Variants in CTNNB1 observed in about 807,000 individuals in gnomAD.
CTNNB1 encodes catenin beta-1.
A neutral mutation model predicts 82.5 loss-of-function variants in CTNNB1; 6 were observed. That is an observed-to-expected ratio of 0.07 (90% CI 0.04 to 0.14). The LOEUF is 0.14. Among genes scored for constraint, CTNNB1 ranks in the 10% least tolerant of loss-of-function variants. The pLI, the probability that CTNNB1 is intolerant of heterozygous loss-of-function variation, is 1.00. For synonymous variants in CTNNB1, 312 were observed against 329.7 expected (o/e 0.95, Z 0.58); for missense variants, 529 against 980.4 (o/e 0.54, Z 6.15).
At chr3:41,238,267 T>C (rs2078488201) in intron 14 of CTNNB1, 191 bp downstream of exon 14, 1 of 614,550 alleles carries the variant, frequency 1.6e-6, no homozygotes, top group African/African-American at 1.8e-5. Flanking sequence ...AGCCACACAA[T>C]GAGTAGCAGT....
intron 1 of CTNNB1, among the ~76,000 whole-genome samples, chr3:41,204,087 G>A (rs2077593829): frequency 6.6e-6 from 1 of 151,368 alleles, no homozygotes; most frequent in African/African-American, 2.4e-5. Flanking sequence ...TATTGCTATA[G>A]TTAGGGTTTT....
intron 1 of CTNNB1, among the ~76,000 whole-genome samples, chr3:41,216,435 T>C (rs1447102846): frequency 6.6e-6 from 1 of 152,242 alleles, no homozygotes. Context: ...GAAGAAATAG[T>C]TATTAAATTA....
chr3:41,202,185 T>C (rs1194356082), intron 1 of CTNNB1, among the ~76,000 whole-genome samples: 7 of 152,230 alleles, frequency 4.6e-5, no homozygotes, highest in South Asian at 4.1e-4. Flanking sequence ...TTCAGTGTTA[T>C]TGAAATGAAA....
chr3:41,214,394 TA>T (rs11457773), intron 1 of CTNNB1, among the ~76,000 whole-genome samples: 73 of 146,992 alleles, frequency 5.0e-4, no homozygotes, highest in African/African-American at 1.5e-3. Flanking sequence ...TCTTTATAGT[TA>T]AAAAAAAAAA....
chr3:41,238,137 A>T (rs2125650838), intron 14 of CTNNB1, 61 bp downstream of exon 14: 1 of 1,476,936 alleles, frequency 6.8e-7, no homozygotes, highest in East Asian at 2.3e-5. Context: ...AACTTTTATC[A>T]GAAGAGCCGG....
chr3:41,211,139 C>T (rs1159062748), intron 1 of CTNNB1: 9 of 451,494 alleles, frequency 2.0e-5, no homozygotes, highest in African/African-American at 2.0e-5. Context: ...ACTGTGGTTT[C>T]GTTTACACCA....
At chr3:41,235,944 C>T (rs2078425378) in intron 11 of CTNNB1, 101 bp downstream of exon 11, 1 of 1,373,482 alleles carries the variant, frequency 7.3e-7, no homozygotes, top group Non-Finnish European at 1.0e-6. Flanking sequence ...ATAGGGTTAC[C>T]AACATTTAAT....
At position 41,239,468 on chromosome 3, in the gene CTNNB1, C is replaced by T; in HGVS notation, c.*126C>T. On this transcript the variant is annotated 3_prime_UTR_variant, in exon 15 of 15. Transcript: ENST00000349496. ...GTTTAGGCTATTTGTAAATCTGCCA[C>T]AAAAACAGGTATATACTTTGAAAGG... 1 of 780,194 alleles carries T rather than the reference C, an allele frequency of 1.3e-6. No individual in the cohort carries two copies. Among genetic ancestry groups the T allele is most frequent in the Non-Finnish European group, 2.2e-6 (1 of 461,472 alleles). The allele number at this position is 780,194 out of a possible 1,614,324, so 48.3% of individuals were successfully genotyped here. A position where few individuals can be genotyped will look rare whatever the true frequency, so the allele number is the denominator to read the frequency against.
Position 41,238,001 on chromosome 3 carries a change from T to G in CTNNB1, c.2077-15T>G, listed in dbSNP as rs34525870. The G allele has an allele frequency of 1.2e-6, 2 of 1,612,270 alleles. No homozygotes were observed. Among genetic ancestry groups the G allele is most frequent in the Admixed American group, 1.7e-5 (1 of 60,036 alleles). ...TTGCTTTCTATTCTTCCTTGCTTTGTGCATGTTTATCTAGACTGCTGATCT... is the reference window on the plus strand; with the variant it reads ...TTGCTTTCTATTCTTCCTTGCTTTGGGCATGTTTATCTAGACTGCTGATCT... On this transcript the variant is annotated splice_polypyrimidine_tract_variant and intron_variant, in intron 13 of 14. Coordinates refer to ENST00000349496, the MANE Select transcript of CTNNB1 (RefSeq NM_001904.4).
rs1433894477 is a variant in CTNNB1, at chr3:41,240,107, C to CAAATGGTGTAGA, written c.*766_*767insAATGGTGTAGAA. ...TTAAGAATTGAGTAATGGTGTAGAA[C>CAAATGGTGTAGA]ACTAATTCATAATCACTCTAATTAA... On this transcript the variant is annotated 3_prime_UTR_variant, in exon 15 of 15. Coordinates refer to ENST00000349496, the MANE Select transcript of CTNNB1 (RefSeq NM_001904.4). The CAAATGGTGTAGA allele has an allele frequency of 7.0e-6, 1 of 142,846 alleles. No homozygotes were observed. Among genetic ancestry groups the CAAATGGTGTAGA allele is most frequent in the Non-Finnish European group, 1.5e-5 (1 of 68,606 alleles). The allele number at this position is 142,846 out of a possible 1,614,324, so 8.8% of individuals were successfully genotyped here.
chr3:41,219,819 A>G (rs890212380), intron 1 of CTNNB1, among the ~76,000 whole-genome samples: 4 of 152,206 alleles, frequency 2.6e-5, no homozygotes, highest in Non-Finnish European at 5.9e-5. Context: ...GGAAATTAAG[A>G]GAATTATTTA....
chr3:41,203,705 A>G (rs1364530846), intron 1 of CTNNB1, among the ~76,000 whole-genome samples: 1 of 152,178 alleles, frequency 6.6e-6, no homozygotes, highest in Non-Finnish European at 1.5e-5. Context: ...ATTTGTACAT[A>G]GTGGTGGGCC....
intron 1 of CTNNB1, among the ~76,000 whole-genome samples, chr3:41,216,776 T>C (rs1409183513): frequency 6.6e-6 from 1 of 152,230 alleles, no homozygotes; most frequent in Non-Finnish European, 1.5e-5. Context: ...TCTGCAAATG[T>C]ATGCAAAAAT....
rs755359135 is a variant in CTNNB1, at chr3:41,239,140, G to C, written c.2144G>C (p.Ser715Thr). Residue 715 changes from serine to threonine, a missense_variant, in exon 15 of 15, where the codon AGC becomes ACC. Physicochemically the swap from Ser to Thr is moderately conservative, Grantham distance 58 (BLOSUM62 1). Around this residue, in one of 4 missense-constraint regions of CTNNB1, gnomAD observed 102 missense variants for 130.8 expected, o/e 0.78. Coordinates refer to ENST00000349496, the MANE Select transcript of CTNNB1 (RefSeq NM_001904.4). ...EPLGYRQDDP[S>T]YRSFHSGGYG... ...GACACCCTGACTCTTCTAGATCCTA[G>C]CTATCGTTCTTTTCACTCTGGTGGA... The C allele has an allele frequency of 1.2e-6, 2 of 1,613,902 alleles. No homozygotes were observed. Among genetic ancestry groups the C allele is most frequent in the South Asian group, 2.2e-5 (2 of 91,064 alleles).
intron 1 of CTNNB1, among the ~76,000 whole-genome samples, chr3:41,222,995 T>C (rs4135366): frequency 0.011 from 1,699 of 152,222 alleles, 23 homozygotes; most frequent in African/African-American, 0.038. Context: ...CACTTGAACC[T>C]GGGAGGCGGA....
At chr3:41,230,748 A>G (rs968284737) in intron 7 of CTNNB1, among the ~76,000 whole-genome samples, 1 of 152,170 alleles carries the variant, frequency 6.6e-6, no homozygotes, top group African/African-American at 2.4e-5. Context: ...CTATATGAGA[A>G]GTGAGGGTTA....
rs898106111 is a variant in CTNNB1, at chr3:41,236,436, A to G, written c.1891A>G (p.Ile631Val). ...LAQDKEAAEA[I>V]EAEGATAPLT... is the part of the protein sequence containing the mutation. ...TCAGGACAAGGAAGCTGCAGAAGCT[A>G]TTGAAGCTGAGGGAGCCACAGCTCC... The change falls in exon 12 of 15, where the codon ATT becomes GTT. Residue 631 changes from isoleucine (I) to valine (V), a missense_variant. Transcript: ENST00000349496. 5.6e-6 allele frequency: 9 copies of G among 1,614,132 alleles called. No individual in the cohort carries two copies. Among genetic ancestry groups the G allele is most frequent in the East Asian group, 2.2e-5 (1 of 44,896 alleles).
chr3:41,222,212 A>C (rs2078066381), intron 1 of CTNNB1: 1 of 152,250 alleles, frequency 6.6e-6, no homozygotes, highest in Non-Finnish European at 1.5e-5. Flanking sequence ...CAGAAAAAGA[A>C]AGAGGAAGGC....
intron 11 of CTNNB1, 126 bp from the exon 12 acceptor site, chr3:41,236,223 A>G (rs1451854511): frequency 3.5e-6 from 4 of 1,135,912 alleles, no homozygotes; most frequent in Non-Finnish European, 5.3e-6. Flanking sequence ...TAAAATTCAG[A>G]GAATATTATT....
Sources: allele counts gnomAD v4.1 joint callset (sites outside exome capture counted in the v4.1 genomes callset), GRCh38; gene constraint gnomAD v4.1.1; regional missense constraint gnomAD v4.1.1; transcripts MANE v1.5; gene names NCBI Gene and HGNC (gene_info 2026-07-23, HGNC 2026-07-21).